ANKS1B: variants seen among roughly 807,000 people sequenced by gnomAD.
ANKS1B encodes the protein ankyrin repeat and sterile alpha motif domain-containing protein 1B.
In ANKS1B, 36 loss-of-function variants were observed where a neutral mutation model predicts 148.3. The ratio of observed to expected loss-of-function variants is 0.24; its 90% CI spans 0.19 to 0.32. The LOEUF (loss-of-function observed/expected upper bound fraction) is 0.32, where lower values mean the gene tolerates loss of function less well. Among genes scored for constraint, ANKS1B ranks in the 10% least tolerant of loss-of-function variants. The pLI, the probability that ANKS1B is intolerant of heterozygous loss-of-function variation, is 1.00. For missense variants in ANKS1B, 1,157 were observed against 1,542.6 expected (o/e 0.75, Z 4.19); for synonymous variants, 542 against 560.8 (o/e 0.97, Z 0.47).
At chr12:99,415,972 C>A (rs117896863) in intron 11 of ANKS1B, among the ~76,000 whole-genome samples, 5 of 151,960 alleles carry the variant, frequency 3.3e-5, no homozygotes, top group African/African-American at 4.8e-5. Context: ...CGTGAACCAC[C>A]GCGCCAGGCC....
chr12:99,860,268 A>AC (rs1482779305), intron 1 of ANKS1B, among the ~76,000 whole-genome samples: 5 of 152,212 alleles, frequency 3.3e-5, no homozygotes, highest in African/African-American at 1.2e-4. Context: ...TGAGATCTTG[A>AC]GTGGTGTCCT....
intron 22 of ANKS1B, chr12:98,794,706 G>A (rs747855011): frequency 5.7e-5 from 54 of 951,248 alleles, no homozygotes; most frequent in Non-Finnish European, 8.6e-5. Context: ...TTTGAAAACC[G>A]TAGAAATGAA....
At chr12:99,150,639 AAT>A (rs2074582552) in intron 15 of ANKS1B, among the ~76,000 whole-genome samples, 1 of 152,120 alleles carries the variant, frequency 6.6e-6, no homozygotes, top group Non-Finnish European at 1.5e-5. Flanking sequence ...TTGAAAAATA[AAT>A]ATGATGGTAG....
intron 8 of ANKS1B, among the ~76,000 whole-genome samples, chr12:99,719,931 C>G (rs1163378305): frequency 6.6e-6 from 1 of 152,170 alleles, no homozygotes; most frequent in Admixed American, 6.5e-5. Flanking sequence ...TCTGGCCACT[C>G]CCACCTACTC....
chr12:99,911,599 A>G (rs976261369), intron 1 of ANKS1B, among the ~76,000 whole-genome samples: 7 of 152,200 alleles, frequency 4.6e-5, no homozygotes, highest in African/African-American at 1.4e-4. Context: ...ATAAAGTTCG[A>G]TATCACCCAT....
intron 17 of ANKS1B, among the ~76,000 whole-genome samples, chr12:99,010,379 G>T (rs1394302458): frequency 1.3e-5 from 2 of 152,178 alleles, no homozygotes; most frequent in East Asian, 3.8e-4. Flanking sequence ...TAGAGTAAAT[G>T]CTAGTTGTTA....
intron 9 of ANKS1B, among the ~76,000 whole-genome samples, chr12:99,527,618 A>G (rs1008170323): frequency 6.6e-6 from 1 of 152,160 alleles, no homozygotes; most frequent in Non-Finnish European, 1.5e-5. Flanking sequence ...TACTTGGAAA[A>G]TACAGGAAGA....
chr12:99,186,313 TCAG>T (rs2153871079), intron 14 of ANKS1B, among the ~76,000 whole-genome samples: 1 of 152,266 alleles, frequency 6.6e-6, no homozygotes, highest in African/African-American at 2.4e-5. Flanking sequence ...GGGCACAGCT[TCAG>T]CAGACATAAA....
chr12:99,846,920 T>C (rs982005231), intron 1 of ANKS1B, among the ~76,000 whole-genome samples: 1 of 151,992 alleles, frequency 6.6e-6, no homozygotes, highest in Non-Finnish European at 1.5e-5. Flanking sequence ...CCCATAGGTG[T>C]AGAAGAAAAA....
chr12:99,114,080 G>A (rs927217936), intron 15 of ANKS1B, among the ~76,000 whole-genome samples: 1 of 152,150 alleles, frequency 6.6e-6, no homozygotes, highest in African/African-American at 2.4e-5. Flanking sequence ...ACTCATATAT[G>A]TTTATAATGA....
intron 9 of ANKS1B, among the ~76,000 whole-genome samples, chr12:99,632,304 A>G (rs1245351646): frequency 2.0e-5 from 3 of 152,126 alleles, no homozygotes; most frequent in Non-Finnish European, 4.4e-5. Context: ...GAATGTCATC[A>G]AAAGCCTGGG....
intron 14 of ANKS1B, among the ~76,000 whole-genome samples, chr12:99,204,440 A>C (rs2082402795): frequency 6.6e-6 from 1 of 152,252 alleles, no homozygotes. Context: ...TGGGTCTTGG[A>C]GGCAAACACC....
chr12:99,193,770 A>G (rs914350826), intron 14 of ANKS1B, among the ~76,000 whole-genome samples: 1 of 146,656 alleles, frequency 6.8e-6, no homozygotes, highest in African/African-American at 2.5e-5. Context: ...GTAAGAAGAC[A>G]GATTTTCCAT....
At chr12:99,818,043 T>C (rs1179675338) in intron 2 of ANKS1B, among the ~76,000 whole-genome samples, 1 of 151,650 alleles carries the variant, frequency 6.6e-6, no homozygotes, top group Non-Finnish European at 1.5e-5. Context: ...TCAGTGAAAA[T>C]GGATTAAATA....
At chr12:99,365,878 C>T (rs187924699) in intron 12 of ANKS1B, among the ~76,000 whole-genome samples, 3 of 151,742 alleles carry the variant, frequency 2.0e-5, no homozygotes, top group Non-Finnish European at 4.4e-5. Flanking sequence ...AAAATAGGGT[C>T]GTACTGAAAC....
intron 9 of ANKS1B, among the ~76,000 whole-genome samples, chr12:99,638,988 G>T (rs2098272793): frequency 6.6e-6 from 1 of 152,204 alleles, no homozygotes; most frequent in South Asian, 2.1e-4. Flanking sequence ...GACAAGAATT[G>T]AGGTTTGGGA....
At chr12:99,388,564 T>A (rs1040720215) in intron 12 of ANKS1B, among the ~76,000 whole-genome samples, 1 of 152,146 alleles carries the variant, frequency 6.6e-6, no homozygotes, top group African/African-American at 2.4e-5. Context: ...GTTTTCTGCC[T>A]CTCCATAATA....
chr12:99,179,755 G>T (rs371530313), intron 14 of ANKS1B, among the ~76,000 whole-genome samples: 1 of 152,120 alleles, frequency 6.6e-6, no homozygotes, highest in Non-Finnish European at 1.5e-5. Context: ...ATATAATAGG[G>T]TTGTTGACAG....
At chr12:99,726,394 T>C (rs1252596386) in intron 8 of ANKS1B, among the ~76,000 whole-genome samples, 1 of 152,008 alleles carries the variant, frequency 6.6e-6, no homozygotes, top group Non-Finnish European at 1.5e-5. Flanking sequence ...AAGAAATGGA[T>C]AAATTCCTGG....
Sources: gnomAD v4.1 joint callset for allele counts (sites outside exome capture counted in the v4.1 genomes callset) on GRCh38, gnomAD v4.1.1 for gene constraint, MANE v1.5 for transcripts, NCBI Gene and HGNC (gene_info 2026-07-23, HGNC 2026-07-21) for gene names.